The following PCDHA5 variants were observed in gnomAD, a reference collection of about 807,000 sequenced individuals.
PCDHA5 encodes the protein protocadherin alpha-5.
PCDHA5 carries 43 observed loss-of-function variants against 61.6 expected under a neutral mutation model. That is an observed-to-expected ratio of 0.70 (90% confidence interval 0.55 to 0.90). The LOEUF (loss-of-function observed/expected upper bound fraction) is 0.90, where lower values mean the gene tolerates loss of function less well. PCDHA5 is among the 40% of genes least tolerant of loss of function. The pLI is 0.00. For synonymous variants in PCDHA5, 627 were observed against 543.9 expected, an observed-to-expected ratio of 1.15 and a Z score of -2.13; for missense variants, 1,298 against 1,222.7, an observed-to-expected ratio of 1.06 and a Z score of -0.92.
At chr5:140,846,871 A>G (rs1338632636) in intron 1 of PCDHA5, among the ~76,000 whole-genome samples, 1 of 149,786 alleles carries the variant, frequency 6.7e-6, no homozygotes, top group Non-Finnish European at 1.5e-5. Flanking sequence ...AACAGGTACA[A>G]GAGGTAAATC....
intron 1 of PCDHA5, chr5:140,884,567 A>T (rs1562807924): frequency 6.2e-7 from 1 of 1,614,120 alleles, no homozygotes; most frequent in Non-Finnish European, 8.5e-7. Context: ...CCCGCATAAG[A>T]CGGACCTCAT....
intron 1 of PCDHA5, among the ~76,000 whole-genome samples, chr5:140,924,015 A>G (rs2081623207): frequency 6.6e-6 from 1 of 152,164 alleles, no homozygotes; most frequent in Admixed American, 6.5e-5. Flanking sequence ...AACCTGGTAT[A>G]ATTGGAGGCA....
chr5:140,856,715 G>C, intron 1 of PCDHA5: 2 of 1,596,442 alleles, frequency 1.3e-6, no homozygotes, highest in African/African-American at 1.3e-5. Flanking sequence ...TGAATTTACC[G>C]GATCTGTTTC....
chr5:140,903,857 T>C (rs2070669832), intron 1 of PCDHA5, among the ~76,000 whole-genome samples: 1 of 152,172 alleles, frequency 6.6e-6, no homozygotes, highest in South Asian at 2.1e-4. Context: ...TAACAAATAA[T>C]ATAGAGTAAA....
At chr5:140,967,047 T>C in intron 1 of PCDHA5, 5 of 1,612,444 alleles carry the variant, frequency 3.1e-6, no homozygotes, top group Non-Finnish European at 4.2e-6. Flanking sequence ...GAGCTGGACC[T>C]GACGAGTGGA....
intron 1 of PCDHA5, among the ~76,000 whole-genome samples, chr5:140,913,854 A>G: frequency 6.6e-6 from 1 of 152,128 alleles, no homozygotes; most frequent in Middle Eastern, 3.2e-3. Context: ...ATTCAGGAGC[A>G]TATTGTTTAA....
intron 1 of PCDHA5, among the ~76,000 whole-genome samples, chr5:140,914,439 T>G (rs1352001626): frequency 6.6e-6 from 1 of 152,192 alleles, no homozygotes; most frequent in Admixed American, 6.6e-5. Flanking sequence ...TCTTTTCCCA[T>G]GTCTTTATTT....
At chr5:140,871,659 T>C (rs2153275031) in intron 1 of PCDHA5, 1 of 1,218,398 alleles carries the variant, frequency 8.2e-7, no homozygotes, top group Non-Finnish European at 1.1e-6. Context: ...GATACACATC[T>C]TCAGTCTTTT....
In PCDHA5 at chr5:140,856,507, A is replaced by C. The variant is rs527808702; in HGVS notation, c.2352+32380A>C. 4.2e-5 allele frequency: 67 copies of C among 1,598,478 alleles called. 5 individuals carry two copies. In the South Asian group the frequency reaches 7.1e-4, roughly 17 times the overall value. Reference sequence around the variant, plus strand: ...GACTGCTTGACTCTCGATTTCCACTAGAAGGCGCATCTGATGCGGATGTTG... The same window carrying C: ...GACTGCTTGACTCTCGATTTCCACTCGAAGGCGCATCTGATGCGGATGTTG... On this transcript the variant is annotated intron_variant, in intron 1 of 3. Coordinates refer to ENST00000529859, the MANE Select transcript of PCDHA5 (RefSeq NM_018908.3).
intron 1 of PCDHA5, chr5:140,841,681 C>G: frequency 6.2e-7 from 1 of 1,613,906 alleles, no homozygotes; most frequent in Non-Finnish European, 8.5e-7. Context: ...TCCATGTGGA[C>G]GTGGAGGTGA....
At chr5:140,976,011 C>A (rs983997714) in intron 1 of PCDHA5, among the ~76,000 whole-genome samples, 10 of 152,230 alleles carry the variant, frequency 6.6e-5, no homozygotes, top group Admixed American at 1.3e-4. Flanking sequence ...TATTAAAGAA[C>A]TAAATAATCA....
chr5:141,006,048 G>T (rs1158028347), intron 3 of PCDHA5, among the ~76,000 whole-genome samples: 1 of 150,984 alleles, frequency 6.6e-6, no homozygotes, highest in Non-Finnish European at 1.5e-5. Context: ...TTGTAGATGA[G>T]AGTGGAGAAG....
At chr5:140,918,268 A>T (rs1554198508) in intron 1 of PCDHA5, among the ~76,000 whole-genome samples, 2 of 152,084 alleles carry the variant, frequency 1.3e-5, no homozygotes. Context: ...TGGAGGTTTT[A>T]TCAGATGTAG....
chr5:140,836,482 T>C, intron 1 of PCDHA5: 2 of 1,613,884 alleles, frequency 1.2e-6, no homozygotes, highest in Middle Eastern at 1.7e-4. Flanking sequence ...AACGTGTACC[T>C]GATCATCGCC....
intron 1 of PCDHA5, among the ~76,000 whole-genome samples, chr5:140,914,744 T>C (rs989394283): frequency 6.6e-6 from 1 of 152,280 alleles, no homozygotes; most frequent in Non-Finnish European, 1.5e-5. Context: ...TGTATGTTTT[T>C]CCATTTGAGG....
chr5:140,944,316 T>C lies in PCDHA5; in HGVS notation c.2353-34633T>C, dbSNP rs140163712. On this transcript the variant is annotated intron_variant, in intron 1 of 3. Coordinates refer to ENST00000529859, the MANE Select transcript of PCDHA5 (RefSeq NM_018908.3). ...GATCCTCCTACCTCAGCCTCCTGAG[T>C]AGCTGGGATTACAAGCACGTGCCAC... 4.3e-3 allele frequency among the ~76,000 whole-genome samples: 654 copies of C among 152,070 alleles called. 5 individuals carry two copies. The highest frequency in any genetic ancestry group is 5.5e-3 in the Non-Finnish European group (376 of 67,970).
intron 1 of PCDHA5, chr5:140,835,785 A>G (rs2150244615): frequency 1.2e-6 from 2 of 1,613,238 alleles, no homozygotes; most frequent in Admixed American, 3.3e-5. Context: ...GAAGGAGAAC[A>G]ACCCGCCGGG....
chr5:140,973,674 T>A (rs782774613), intron 1 of PCDHA5, among the ~76,000 whole-genome samples: 10 of 152,264 alleles, frequency 6.6e-5, no homozygotes, highest in Non-Finnish European at 1.3e-4. Flanking sequence ...GTAGCTTGAA[T>A]GTCATTGGCC....
At chr5:140,991,535 A>G (rs1323346658) in intron 3 of PCDHA5, among the ~76,000 whole-genome samples, 4 of 152,244 alleles carry the variant, frequency 2.6e-5, no homozygotes, top group South Asian at 4.1e-4. Context: ...TTGCCACTAT[A>G]TAACAAGGAT....
Sources: allele counts gnomAD v4.1 joint callset (sites outside exome capture counted in the v4.1 genomes callset), GRCh38; gene constraint gnomAD v4.1.1; transcripts MANE v1.5; gene names NCBI Gene and HGNC (gene_info 2026-07-23, HGNC 2026-07-21).